SLC8A1: variants seen among roughly 807,000 people sequenced by gnomAD.
SLC8A1 encodes sodium/calcium exchanger 1.
In SLC8A1, 18 loss-of-function variants were observed where a neutral mutation model predicts 68.3. That is an observed-to-expected ratio of 0.26 (90% CI 0.18 to 0.39). The LOEUF is 0.39. Ranked by LOEUF, SLC8A1 falls within the 10% of genes least tolerant of loss-of-function variation. SLC8A1 has a pLI of 1.00. For synonymous variants in SLC8A1, 475 were observed against 415.5 expected (o/e 1.14, Z -1.74); for missense variants, 985 against 1,156.7 (o/e 0.85, Z 2.15).
chr2:40,450,969 T>TG (rs908638255), intron 1 of SLC8A1, among the ~76,000 whole-genome samples: 11 of 127,032 alleles, frequency 8.7e-5, no homozygotes, highest in Admixed American at 5.6e-4. Context: ...CACGGGGTGG[T>TG]GGGGGGGATA....
chr2:40,442,344 T>C (rs1296026705), intron 1 of SLC8A1, among the ~76,000 whole-genome samples: 2 of 140,960 alleles, frequency 1.4e-5, no homozygotes, highest in African/African-American at 2.6e-5. Context: ...CTTTGCAATC[T>C]ACCCAATCTG....
chr2:40,400,761 A>T (rs1425393533), intron 2 of SLC8A1, among the ~76,000 whole-genome samples: 2 of 152,180 alleles, frequency 1.3e-5, no homozygotes, highest in Non-Finnish European at 2.9e-5. Flanking sequence ...TCTTCTCAGA[A>T]AACTAGAAGA....
In SLC8A1 at chr2:40,383,412, C is replaced by A. The variant is rs545890190; in HGVS notation, c.1808+45061G>T. ...GAAACATTTGACACAGGAACCATCC[C>A]AAAGACATTTGGTGACTGTCATTCG... On this transcript the variant is annotated intron_variant, in intron 2 of 7. Coordinates refer to ENST00000406785, the Ensembl canonical transcript of SLC8A1. Among the ~76,000 whole-genome samples, 10 of 152,122 alleles carry A rather than the reference C, an allele frequency of 6.6e-5. No individual in the cohort carries two copies. In the South Asian group the frequency reaches 2.1e-3, roughly 32 times the overall value.
At chr2:40,469,499 T>C (rs1321075865) in intron 1 of SLC8A1, among the ~76,000 whole-genome samples, 1 of 152,200 alleles carries the variant, frequency 6.6e-6, no homozygotes, top group Admixed American at 6.5e-5. Flanking sequence ...GTTTTCTTCA[T>C]AAATTACTCA....
At chr2:40,413,022 A>G (rs888394483) in intron 2 of SLC8A1, among the ~76,000 whole-genome samples, 2 of 152,136 alleles carry the variant, frequency 1.3e-5, no homozygotes, top group African/African-American at 4.8e-5. Context: ...ATTTAGCATC[A>G]GGTATATCAC....
chr2:40,472,509 A>C (rs554193350), intron 1 of SLC8A1, among the ~76,000 whole-genome samples: 2 of 152,292 alleles, frequency 1.3e-5, no homozygotes, highest in South Asian at 4.1e-4. Context: ...AAGATGTTTC[A>C]ACCAATGTAA....
intron 7 of SLC8A1, among the ~76,000 whole-genome samples, chr2:40,134,310 T>C (rs1360079450): frequency 6.6e-6 from 1 of 152,122 alleles, no homozygotes; most frequent in Admixed American, 6.6e-5. Flanking sequence ...CAGGTTGGTC[T>C]TGAACTCCTG....
chr2:40,134,572 G>C (rs1278398785), intron 7 of SLC8A1, among the ~76,000 whole-genome samples: 2 of 152,154 alleles, frequency 1.3e-5, no homozygotes, highest in Non-Finnish European at 2.9e-5. Flanking sequence ...TTTAACTTTT[G>C]TCCCTTCTTA....
chr2:40,253,858 G>C (rs945773647), intron 2 of SLC8A1, among the ~76,000 whole-genome samples: 11 of 135,896 alleles, frequency 8.1e-5, no homozygotes, highest in Non-Finnish European at 9.4e-5. Flanking sequence ...AAAAAAAAAG[G>C]CTAGGAAGGA....
intron 2 of SLC8A1, among the ~76,000 whole-genome samples, chr2:40,365,544 G>T (rs1383993122): frequency 1.3e-5 from 2 of 152,046 alleles, no homozygotes; most frequent in African/African-American, 2.4e-5. Context: ...ACGGTTGGGG[G>T]CAAGGTGAGG....
chr2:40,454,601 A>G (rs1314233340), upstream of SLC8A1, among the ~76,000 whole-genome samples: 1 of 152,038 alleles, frequency 6.6e-6, no homozygotes, highest in East Asian at 1.9e-4. Flanking sequence ...TGGGAAAAAA[A>G]CAATATTAAA....
intron 2 of SLC8A1, among the ~76,000 whole-genome samples, chr2:40,238,194 C>A (rs913663323): frequency 1.3e-5 from 2 of 151,824 alleles, no homozygotes; most frequent in Non-Finnish European, 3.0e-5. Flanking sequence ...GCGGGCGCCC[C>A]TCCCCCAGCC....
chr2:40,363,983 T>TA (rs1425960947), intron 2 of SLC8A1, among the ~76,000 whole-genome samples: 1 of 151,880 alleles, frequency 6.6e-6, no homozygotes, highest in Non-Finnish European at 1.5e-5. Flanking sequence ...GTAAGTAGTC[T>TA]AAAAAAAGGG....
chr2:40,396,030 C>A (rs575391510), intron 2 of SLC8A1, among the ~76,000 whole-genome samples: 1 of 151,990 alleles, frequency 6.6e-6, no homozygotes, highest in African/African-American at 2.4e-5. Context: ...CTTTTAATTT[C>A]ATGGAAATGG....
chr2:40,377,130 G>A (rs2192777), intron 2 of SLC8A1, among the ~76,000 whole-genome samples: 97,552 of 148,078 alleles, frequency 0.66, 31,722 homozygotes, highest in African/African-American at 0.77. Flanking sequence ...GTTACTCAAG[G>A]AAGAGTTTAT....
intron 6 of SLC8A1, among the ~76,000 whole-genome samples, chr2:40,159,957 C>G (rs1352860892): frequency 6.6e-6 from 1 of 152,120 alleles, no homozygotes; most frequent in Non-Finnish European, 1.5e-5. Context: ...ATTTAGGAAA[C>G]TCTACCTTTG....
intron 2 of SLC8A1, among the ~76,000 whole-genome samples, chr2:40,324,154 A>C (rs1381240572): frequency 6.6e-6 from 1 of 152,126 alleles, no homozygotes; most frequent in East Asian, 1.9e-4. Context: ...TCTAAACAGA[A>C]ATCCACGAGA....
intron 2 of SLC8A1, among the ~76,000 whole-genome samples, chr2:40,216,985 C>G (rs1004203555): frequency 6.6e-6 from 1 of 151,974 alleles, no homozygotes; most frequent in African/African-American, 2.4e-5. Context: ...TTTGCTATGC[C>G]GAAGCTTTTT....
At chr2:40,177,050 T>C (rs200269764) in intron 3 of SLC8A1, among the ~76,000 whole-genome samples, 1 of 9,218 alleles carries the variant, frequency 1.1e-4, no homozygotes, top group Non-Finnish European at 5.0e-4. Flanking sequence ...TTATTTTTTC[T>C]TTTTTTTATA....
Sources: allele counts gnomAD v4.1 joint callset (sites outside exome capture counted in the v4.1 genomes callset), GRCh38; gene constraint gnomAD v4.1.1; transcripts MANE v1.5; gene names NCBI Gene and HGNC (gene_info 2026-07-23, HGNC 2026-07-21).